The following MCM5 variants were observed in gnomAD, a reference collection of about 807,000 sequenced individuals.
The protein encoded by MCM5 is minichromosome maintenance complex component 5.
A neutral mutation model predicts 79.9 loss-of-function variants in MCM5; 46 were observed. That is an observed-to-expected ratio of 0.58 (90% confidence interval 0.45 to 0.74). The LOEUF (loss-of-function observed/expected upper bound fraction) is 0.74. MCM5 is among the 30% of genes least tolerant of loss of function. The probability of loss-of-function intolerance (pLI) is 0.00; values close to 1 mark genes in which losing one functional copy is unlikely to be tolerated. For synonymous variants in MCM5, 404 were observed against 390.5 expected, an observed-to-expected ratio of 1.03 and a Z score of -0.41; for missense variants, 883 against 1,017.0, an observed-to-expected ratio of 0.87 and a Z score of 1.79.
At chr22:35,441,455 G>T in the MCM5 span, among the ~76,000 whole-genome samples, 2 of 152,312 alleles carry the variant, frequency 1.3e-5, no homozygotes, top group Admixed American at 6.5e-5. Flanking sequence ...GCGCTGTGCT[G>T]AGTACTCTTC....
chr22:35,419,047 G>A lies in MCM5; in HGVS notation c.1704-837G>A, dbSNP rs4645804. 5.2e-3 allele frequency among the ~76,000 whole-genome samples: 794 copies of A among 152,304 alleles called. 32 individuals carry two copies. Among genetic ancestry groups the A allele is most frequent in the Admixed American group, 0.047 (720 of 15,300 alleles). The stretch of plus-strand genomic sequence containing the variant: ...AGGGCTCTTTGAATGCACTACCAGT[G>A]GGGGGCTGGTGGGTCCCTGATTCAG... On this transcript the variant is annotated intron_variant, in intron 13 of 16. Coordinates refer to ENST00000216122, the MANE Select transcript of MCM5 (RefSeq NM_006739.4).
chr22:35,419,078 C>T (rs940725200), intron 13 of MCM5, among the ~76,000 whole-genome samples: 1 of 152,214 alleles, frequency 6.6e-6, no homozygotes, highest in Non-Finnish European at 1.5e-5. Flanking sequence ...TTCAGCACCT[C>T]TGCCAGGGTG....
chr22:35,401,621 G>A (rs750169732), intron 2 of MCM5: 3 of 471,034 alleles, frequency 6.4e-6, no homozygotes, highest in East Asian at 6.9e-5. Context: ...GCCTCACCAG[G>A]CCAGAAATGG....
the MCM5 span, among the ~76,000 whole-genome samples, chr22:35,451,666 T>C: frequency 6.6e-6 from 1 of 152,220 alleles, no homozygotes; most frequent in African/African-American, 2.4e-5. Flanking sequence ...CTGTCTTTGT[T>C]AACTCGTCTG....
At chr22:35,442,598 G>A in the MCM5 span, among the ~76,000 whole-genome samples, 20 of 152,216 alleles carry the variant, frequency 1.3e-4, no homozygotes, top group African/African-American at 4.1e-4. Context: ...CTCTAAGCCC[G>A]TCTTCAAAGC....
At position 35,425,172 on chromosome 22, in the gene MCM5, C is replaced by G. The variant is rs1240867657; in HGVS notation, c.*917C>G. 6.6e-6 allele frequency: 1 copy of G among 152,064 alleles called. No individual in the cohort carries two copies. Among genetic ancestry groups the G allele is most frequent in the Non-Finnish European group, 1.5e-5 (1 of 68,006 alleles). 9.4% of individuals were successfully genotyped at this position (152,064 alleles called of 1,614,324 possible). On this transcript the variant is annotated 3_prime_UTR_variant, in exon 17 of 17. Coordinates refer to ENST00000216122, the MANE Select transcript of MCM5 (RefSeq NM_006739.4). ...TTGCCAAGTGCCTCGGTCACTTTGC[C>G]TAATTTCAGAAAGTCACTCTGAGTT...
At chr22:35,451,349 T>C in the MCM5 span, among the ~76,000 whole-genome samples, 1 of 152,234 alleles carries the variant, frequency 6.6e-6, no homozygotes, top group African/African-American at 2.4e-5. Context: ...CGGGTCTCAG[T>C]GTGGGGAGAT....
In MCM5 at chr22:35,419,864, C is replaced by T. The variant is rs758484995; in HGVS notation, c.1704-20C>T. On this transcript the variant is annotated intron_variant, in intron 13 of 16. Coordinates refer to ENST00000216122, the MANE Select transcript of MCM5 (RefSeq NM_006739.4). ...GAGTCCCTCCTGGCCTCACACCAGC[C>T]TCTCCCCACTGTCCTGCAGGAAGTG... is the stretch of plus-strand genomic sequence containing the variant. 2 of 1,596,808 alleles carry T rather than the reference C, an allele frequency of 1.3e-6. No individual in the cohort carries two copies. The highest frequency in any genetic ancestry group is 2.3e-5 in the East Asian group (1 of 44,206).
chr22:35,418,519 G>A (rs1221930641), intron 13 of MCM5, among the ~76,000 whole-genome samples: 4 of 152,060 alleles, frequency 2.6e-5, no homozygotes, highest in African/African-American at 2.4e-5. Flanking sequence ...AATTAGCCGG[G>A]TGTGGTGGTG....
At chr22:35,427,460 A>G (rs1932785288), downstream of MCM5, among the ~76,000 whole-genome samples, 1 of 150,738 alleles carries the variant, frequency 6.6e-6, no homozygotes, top group Non-Finnish European at 1.5e-5. Flanking sequence ...ATCCATATGT[A>G]TTTAAACATG....
the MCM5 span, among the ~76,000 whole-genome samples, chr22:35,447,655 C>T: frequency 6.6e-6 from 1 of 152,066 alleles, no homozygotes; most frequent in Admixed American, 6.5e-5. Flanking sequence ...TTAGTAGAGA[C>T]AGGGTGTCAC....
chr22:35,406,758 T>C, intron 5 of MCM5, 33 bp downstream of exon 5: 1 of 1,596,978 alleles, frequency 6.3e-7, no homozygotes, highest in Non-Finnish European at 8.5e-7. Flanking sequence ...CTGTGGGAGG[T>C]GACCTGAGTG....
chr22:35,415,543 G>A (rs1932515816), intron 9 of MCM5, among the ~76,000 whole-genome samples: 2 of 152,188 alleles, frequency 1.3e-5, no homozygotes, highest in Admixed American at 1.3e-4. Context: ...TTGCTCATCT[G>A]TGAGTTGGGC....
At chr22:35,416,120 T>C in intron 10 of MCM5, 148 bp downstream of exon 10, 1 of 1,115,340 alleles carries the variant, frequency 9.0e-7, no homozygotes, top group Non-Finnish European at 1.3e-6. Flanking sequence ...GGGAAGCTGC[T>C]TAACCTCTTC....
At chr22:35,400,399 C>T (rs1398277751) in intron 1 of MCM5, 32 bp from the exon 2 acceptor site, 1 of 1,613,340 alleles carries the variant, frequency 6.2e-7, no homozygotes, top group Non-Finnish European at 8.5e-7. Flanking sequence ...GCGCTGCCCC[C>T]AGCCTGTTCT....
At position 35,403,545 on chromosome 22, in the gene MCM5, G is replaced by A; in HGVS notation, c.423+3G>A. The A allele has an allele frequency of 1.2e-6, 2 of 1,613,084 alleles. No homozygotes were observed. Among genetic ancestry groups the A allele is most frequent in the Non-Finnish European group, 1.7e-6 (2 of 1,180,014 alleles). ...CTTCCAGCATTCGTAGCCTGAAGGT[G>A]GGTCGGAGGGCAGTGGCTGCTGCAT... On this transcript the variant is annotated splice_donor_region_variant and intron_variant, in intron 4 of 16. Transcript: ENST00000216122.
At chr22:35,427,552 T>G (rs1932786190), downstream of MCM5, among the ~76,000 whole-genome samples, 1 of 151,998 alleles carries the variant, frequency 6.6e-6, no homozygotes, top group Non-Finnish European at 1.5e-5. Context: ...TTTTTTTCCC[T>G]TTTTTAATTT....
At chr22:35,453,931 G>A in the MCM5 span, among the ~76,000 whole-genome samples, 1 of 151,738 alleles carries the variant, frequency 6.6e-6, no homozygotes, top group Non-Finnish European at 1.5e-5. Flanking sequence ...AGGAAGGGGT[G>A]TCTGGAGACT....
the MCM5 span, among the ~76,000 whole-genome samples, chr22:35,432,780 G>T: frequency 3.3e-5 from 5 of 152,114 alleles, no homozygotes; most frequent in South Asian, 4.2e-4. Context: ...GCCAGGCAGC[G>T]CTGTGTGAGG....
Sources: allele counts gnomAD v4.1 joint callset (sites outside exome capture counted in the v4.1 genomes callset), GRCh38; gene constraint gnomAD v4.1.1; transcripts MANE v1.5; gene names NCBI Gene and HGNC (gene_info 2026-07-23, HGNC 2026-07-21).